The following PTPN21 variants were observed in gnomAD, a reference collection of about 807,000 sequenced individuals.
The protein encoded by PTPN21 is protein tyrosine phosphatase non-receptor type 21, also known as tyrosine-protein phosphatase non-receptor type 21.
Under a neutral mutation model 131.8 loss-of-function variants are expected in PTPN21, and 77 were observed. That is an observed-to-expected ratio of 0.58 (90% CI 0.49 to 0.71). The LOEUF is 0.71. PTPN21 is among the 30% of genes least tolerant of loss of function. The probability of loss-of-function intolerance (pLI) is 0.00; values close to 1 mark genes in which losing one functional copy is unlikely to be tolerated. For synonymous variants in PTPN21, 715 were observed against 621.3 expected (o/e 1.15, Z -2.24); for missense variants, 1,552 against 1,527.1 (o/e 1.02, Z -0.27).
rs958301343 is a variant in PTPN21, at chr14:88,467,796, A to G, written c.*341T>C. On this transcript the variant is annotated 3_prime_UTR_variant, in exon 19 of 19. Coordinates refer to ENST00000556564, the MANE Select transcript of PTPN21 (RefSeq NM_007039.4). ...TTAAGATAGAAATCTATGCACTTTA[A>G]TGATTGCCAGAATTGCCCAGCATAG... The G allele has an allele frequency of 4.2e-6, 1 of 237,088 alleles. No individual in the cohort carries two copies. Among genetic ancestry groups the G allele is most frequent in the Non-Finnish European group, 8.2e-6 (1 of 122,484 alleles). 14.7% of individuals were successfully genotyped at this position (237,088 alleles called of 1,614,324 possible). A position where few individuals can be genotyped will look rare whatever the true frequency, so the allele number is the denominator to read the frequency against.
intron 3 of PTPN21, chr14:88,515,609 T>A (rs1336259153): frequency 6.6e-6 from 1 of 152,214 alleles, no homozygotes; most frequent in African/African-American, 2.4e-5. Context: ...TTGCAAAAAC[T>A]ATTCCCTCTA....
chr14:88,470,539 C>A (rs906281121), intron 15 of PTPN21, among the ~76,000 whole-genome samples: 2 of 152,240 alleles, frequency 1.3e-5, no homozygotes, highest in African/African-American at 4.8e-5. Context: ...GATTTAACTT[C>A]CTTGAGAGCA....
chr14:88,535,598 T>C (rs1248271411), intron 2 of PTPN21, among the ~76,000 whole-genome samples: 1 of 152,210 alleles, frequency 6.6e-6, no homozygotes, highest in Non-Finnish European at 1.5e-5. Context: ...AAAGCACTCT[T>C]ACCTTTGTCA....
chr14:88,517,432 C>T (rs1294752786), intron 2 of PTPN21, among the ~76,000 whole-genome samples, 171 bp from the exon 3 acceptor site: 1 of 152,074 alleles, frequency 6.6e-6, no homozygotes, highest in African/African-American at 2.4e-5. Context: ...TAAGACCTAT[C>T]TGTAACTAGC....
chr14:88,468,365 G>A, intron 18 of PTPN21, 100 bp from the exon 19 acceptor site: 2 of 1,173,532 alleles, frequency 1.7e-6, no homozygotes, highest in South Asian at 3.2e-5. Context: ...GTTGGGAGAT[G>A]GACAGTCTCT....
chr14:88,497,307 A>G lies in PTPN21; in HGVS notation c.765-17T>C. 6.3e-7 allele frequency: 1 copy of G among 1,595,882 alleles called. No homozygotes were observed. Among genetic ancestry groups the G allele is most frequent in the Non-Finnish European group, 8.6e-7 (1 of 1,163,448 alleles). ...TCATGCCACCTAAAGAACAGCAAAT[A>G]GAGAACTGGCAATGTGAGTGCCCAT... On this transcript the variant is annotated splice_polypyrimidine_tract_variant and intron_variant, in intron 8 of 18. Coordinates refer to ENST00000556564, the MANE Select transcript of PTPN21 (RefSeq NM_007039.4).
At chr14:88,544,003 T>G (rs1316496937) in intron 2 of PTPN21, among the ~76,000 whole-genome samples, 2 of 151,980 alleles carry the variant, frequency 1.3e-5, no homozygotes, top group African/African-American at 4.8e-5. Flanking sequence ...AAAAATAACC[T>G]TGAAGAGACT....
chr14:88,469,430 C>T lies in PTPN21; in HGVS notation c.3235+69G>A, dbSNP rs1395534110. 3.0e-6 allele frequency: 4 copies of T among 1,324,294 alleles called. No individual in the cohort carries two copies. The highest frequency in any genetic ancestry group is 1.5e-5 in the African/African-American group (1 of 68,758). The allele number at this position is 1,324,294 out of a possible 1,614,324, so 82.0% of individuals were successfully genotyped here. A position where few individuals can be genotyped will look rare whatever the true frequency, so the allele number is the denominator to read the frequency against. On this transcript the variant is annotated intron_variant, in intron 17 of 18. Coordinates refer to ENST00000556564, the MANE Select transcript of PTPN21 (RefSeq NM_007039.4). This position sits in a 1 kb window ranked among gnomAD's most constrained non-coding sequence, Gnocchi z 4.3. ...TAACATAAAGGAAATATTTCGGAAACATAAATGTTCCTCTCTGTTTAACAC... is the reference window on the plus strand; with the variant it reads ...TAACATAAAGGAAATATTTCGGAAATATAAATGTTCCTCTCTGTTTAACAC...
chr14:88,501,271 C>G lies in PTPN21; in HGVS notation c.675+10G>C, dbSNP rs763267057. On this transcript the variant is annotated intron_variant, in intron 7 of 18. Transcript: ENST00000556564. Reference sequence around the variant, plus strand: ...ACTTTAAAGAGCCCCAGCCGCCAAGCCACACTTACCTTAGCAGGGTAGCTC... The same window carrying G: ...ACTTTAAAGAGCCCCAGCCGCCAAGGCACACTTACCTTAGCAGGGTAGCTC... 21 of 1,604,524 alleles carry G rather than the reference C, an allele frequency of 1.3e-5. No homozygotes were observed. The highest frequency in any genetic ancestry group is 1.7e-5 in the Non-Finnish European group (20 of 1,171,728).
intron 2 of PTPN21, among the ~76,000 whole-genome samples, chr14:88,548,879 C>G (rs2078820168): frequency 1.3e-5 from 2 of 152,150 alleles, no homozygotes; most frequent in Non-Finnish European, 2.9e-5. Flanking sequence ...TTAGGGGTTT[C>G]CTGGGCAAAC....
chr14:88,493,718 A>G (rs2077860401), intron 10 of PTPN21, among the ~76,000 whole-genome samples: 1 of 152,156 alleles, frequency 6.6e-6, no homozygotes, highest in African/African-American at 2.4e-5. Flanking sequence ...ACAAGAGGAC[A>G]GCTTAAAGAA....
chr14:88,489,482 TA>T (rs1004631939), intron 10 of PTPN21, among the ~76,000 whole-genome samples: 28 of 145,276 alleles, frequency 1.9e-4, no homozygotes, highest in Admixed American at 8.2e-4. Flanking sequence ...TCTAAAAAAC[TA>T]AAAAAAAAAA....
chr14:88,506,897 T>C (rs1331070264), intron 4 of PTPN21, among the ~76,000 whole-genome samples: 1 of 151,716 alleles, frequency 6.6e-6, no homozygotes, highest in African/African-American at 2.4e-5. Flanking sequence ...CAAAAATTAG[T>C]TGGGTCTGTG....
intron 2 of PTPN21, among the ~76,000 whole-genome samples, chr14:88,534,093 C>T (rs1446828588): frequency 6.6e-6 from 1 of 151,998 alleles, no homozygotes; most frequent in Non-Finnish European, 1.5e-5. Context: ...AAAAAGTGGC[C>T]GGGCACGGTG....
At chr14:88,485,246 T>TA (rs759221331) in intron 11 of PTPN21, 86 bp from the exon 12 acceptor site, 4 of 782,636 alleles carry the variant, frequency 5.1e-6, no homozygotes, top group Admixed American at 3.1e-5. Flanking sequence ...TTCTTTCTGT[T>TA]AAAAAAACTT....
At chr14:88,520,010 G>A (rs1208002076) in intron 2 of PTPN21, among the ~76,000 whole-genome samples, 1 of 152,120 alleles carries the variant, frequency 6.6e-6, no homozygotes, top group South Asian at 2.1e-4. Flanking sequence ...AGGGTTTCTT[G>A]GGCCCTAAAA....
intron 2 of PTPN21, among the ~76,000 whole-genome samples, chr14:88,539,063 T>A (rs1026155672): frequency 1.3e-5 from 2 of 152,002 alleles, no homozygotes; most frequent in Non-Finnish European, 2.9e-5. Context: ...TAGGATTCTA[T>A]CTTTGGGAAC....
At chr14:88,492,882 A>G (rs1250693442) in intron 10 of PTPN21, 2 of 337,224 alleles carry the variant, frequency 5.9e-6, no homozygotes, top group Non-Finnish European at 1.2e-5. Flanking sequence ...CTTGCCAGAC[A>G]GGGGACACGA....
At chr14:88,488,203 C>G (rs1361062057) in intron 10 of PTPN21, among the ~76,000 whole-genome samples, 1 of 152,142 alleles carries the variant, frequency 6.6e-6, no homozygotes. Flanking sequence ...TGTCAACAAA[C>G]TCCAACAACA....
Sources: gnomAD v4.1 joint callset for allele counts (sites outside exome capture counted in the v4.1 genomes callset) on GRCh38, gnomAD v4.1.1 for gene constraint, Gnocchi (gnomAD v3.1) non-coding constraint, MANE v1.5 for transcripts, NCBI Gene and HGNC (gene_info 2026-07-23, HGNC 2026-07-21) for gene names.